RFTN1: variants seen among roughly 807,000 people sequenced by gnomAD.
RFTN1 encodes raftlin.
RFTN1 carries 26 observed loss-of-function variants against 46.5 expected under a neutral mutation model. The ratio of observed to expected loss-of-function variants is 0.56; its 90% CI spans 0.41 to 0.78. The LOEUF is 0.78. Ranked by LOEUF, RFTN1 falls within the 30% of genes least tolerant of loss-of-function variation. The probability of loss-of-function intolerance (pLI) is 0.00; values close to 1 mark genes in which losing one functional copy is unlikely to be tolerated. For missense variants in RFTN1, 693 were observed against 718.7 expected (o/e 0.96, Z 0.41); for synonymous variants, 261 against 284.2 (o/e 0.92, Z 0.82).
Position 16,383,475 on chromosome 3 carries a change from A to T in RFTN1, c.442-5373T>A, listed in dbSNP as rs916292081. Among the ~76,000 whole-genome samples, 11 of 152,190 alleles carry T rather than the reference A, an allele frequency of 7.2e-5. No individual in the cohort carries two copies. Among genetic ancestry groups the T allele is most frequent in the Admixed American group, 3.9e-4 (6 of 15,272 alleles). ...CATGATGTGAAAAATATTTCTTTTT[A>T]AAAAAATGTAGTTATATAAAAAGTC... On this transcript the variant is annotated intron_variant, in intron 4 of 9. Coordinates refer to ENST00000334133, the MANE Select transcript of RFTN1 (RefSeq NM_015150.2). This position sits in a 1 kb window ranked among gnomAD's most constrained non-coding sequence, Gnocchi z 4.0.
chr3:16,409,336 C>T (rs910133898), intron 4 of RFTN1, 39 bp downstream of exon 4: 8 of 1,405,676 alleles, frequency 5.7e-6, no homozygotes, highest in South Asian at 2.3e-5. Flanking sequence ...GGGGAACACT[C>T]GCAAACCTCT....
At chr3:16,420,673 T>G (rs1447334551) in intron 3 of RFTN1, among the ~76,000 whole-genome samples, 7 of 152,240 alleles carry the variant, frequency 4.6e-5, no homozygotes, top group Non-Finnish European at 1.0e-4. Flanking sequence ...ACGGTTTTGC[T>G]ACAGCATGTT....
chr3:16,444,285 A>G (rs953883421), intron 2 of RFTN1, among the ~76,000 whole-genome samples: 2 of 152,248 alleles, frequency 1.3e-5, no homozygotes, highest in Non-Finnish European at 2.9e-5. Context: ...GCCACTAATG[A>G]GTATGTACAA....
chr3:16,325,396 C>G (rs1308329831), intron 8 of RFTN1, among the ~76,000 whole-genome samples: 1 of 152,180 alleles, frequency 6.6e-6, no homozygotes, highest in East Asian at 1.9e-4. Context: ...GTGTGAAGGT[C>G]TGAGACAGAG....
chr3:16,377,819 C>T lies in RFTN1; in HGVS notation c.725G>A (p.Gly242Glu), dbSNP rs779336295. 2 of 1,614,106 alleles carry T rather than the reference C, an allele frequency of 1.2e-6. No individual in the cohort carries two copies. The highest frequency in any genetic ancestry group is 2.7e-5 in the African/African-American group (2 of 74,938). ...TGAAAGTTCTCCACCATCTCCCTCT[C>T]CGGAGGGTGAGCTGGGCTGCTTGGC... ...PLAKQPSSPS[G>E]EGDGGELSPQ... Residue 242 changes from glycine (G) to glutamate (E), a missense_variant, in exon 5 of 10, where the codon GGA (glycine) becomes GAA (glutamate). Transcript: ENST00000334133.
rs915050433 is a variant in RFTN1, at chr3:16,335,905, A to T, written c.1147-9029T>A. The stretch of plus-strand genomic sequence containing the variant: ...GAGGCCACAGGCAGGACTCCGCAGG[A>T]GGGAAGTGGCCGACAGCAAGGACTG... On this transcript the variant is annotated intron_variant, in intron 7 of 9. Coordinates refer to ENST00000334133, the MANE Select transcript of RFTN1 (RefSeq NM_015150.2). The surrounding 1 kb of genome is among the most constrained non-coding windows in gnomAD (Gnocchi z 4.7). Among the ~76,000 whole-genome samples, 1 of 152,138 alleles carries T rather than the reference A, an allele frequency of 6.6e-6. No homozygotes were observed. The highest frequency in any genetic ancestry group is 1.5e-5 in the Non-Finnish European group (1 of 68,034).
chr3:16,425,770 G>C lies in RFTN1; in HGVS notation c.332+8081C>G, dbSNP rs2075278249. ...TGAATCCTGAAACTTCAACACACCA[G>C]AAAAGGGTGTCACTCCAGAGTGAGA... is the stretch of plus-strand genomic sequence containing the variant. On this transcript the variant is annotated intron_variant, in intron 3 of 9. Transcript: ENST00000334133. This position sits in a 1 kb window ranked among gnomAD's most constrained non-coding sequence, Gnocchi z 4.3. Among the ~76,000 whole-genome samples the C allele has an allele frequency of 6.6e-6, 1 of 152,116 alleles. No homozygotes were observed. The highest frequency in any genetic ancestry group is 2.4e-5 in the African/African-American group (1 of 41,426).
chr3:16,337,036 G>C lies in RFTN1; in HGVS notation c.1147-10160C>G, dbSNP rs1358826761. 1 of 152,202 alleles carries C rather than the reference G, an allele frequency of 6.6e-6. No homozygotes were observed. Among genetic ancestry groups the C allele is most frequent in the Non-Finnish European group, 1.5e-5 (1 of 68,054 alleles). 9.4% of individuals were successfully genotyped at this position (152,202 alleles called of 1,614,324 possible). On this transcript the variant is annotated intron_variant, in intron 7 of 9. Coordinates refer to ENST00000334133, the MANE Select transcript of RFTN1 (RefSeq NM_015150.2). The surrounding 1 kb of genome is among the most constrained non-coding windows in gnomAD (Gnocchi z 5.0). ...TCTTGGGACTTGCTCTGACAAATAG[G>C]ATATGGCAGATGTGACATTACGGTC...
In RFTN1 at chr3:16,341,052, T is replaced by C. The variant is rs1181357295; in HGVS notation, c.1147-14176A>G. 6.6e-6 allele frequency among the ~76,000 whole-genome samples: 1 copy of C among 152,138 alleles called. No homozygotes were observed. Among genetic ancestry groups the C allele is most frequent in the African/African-American group, 2.4e-5 (1 of 41,438 alleles). ...ATGCAGGTAGCAAATAATAAGCATA[T>C]AAAAAGATGCTCAACATCATATGTC... is the stretch of plus-strand genomic sequence containing the variant. On this transcript the variant is annotated intron_variant, in intron 7 of 9. Coordinates refer to ENST00000334133, the MANE Select transcript of RFTN1 (RefSeq NM_015150.2). This position sits in a 1 kb window ranked among gnomAD's most constrained non-coding sequence, Gnocchi z 4.7.
intron 7 of RFTN1, among the ~76,000 whole-genome samples, chr3:16,343,523 G>A (rs2071447488): frequency 6.6e-6 from 1 of 152,068 alleles, no homozygotes; most frequent in African/African-American, 2.4e-5. Flanking sequence ...ACTTTCACCT[G>A]TACCCTAGAG....
In RFTN1 at chr3:16,443,891, A is replaced by G. The variant is rs2075678119; in HGVS notation, c.146-9854T>C. ...AACTCAGAAGATGGCATTATTGTTCACCTCACCAGTCCATTTTGTCAGAGA... is the reference window on the plus strand; with the variant it reads ...AACTCAGAAGATGGCATTATTGTTCGCCTCACCAGTCCATTTTGTCAGAGA... On this transcript the variant is annotated intron_variant, in intron 2 of 9. Coordinates refer to ENST00000334133, the MANE Select transcript of RFTN1 (RefSeq NM_015150.2). The surrounding 1 kb of genome is among the most constrained non-coding windows in gnomAD (Gnocchi z 5.5). 6.6e-6 allele frequency among the ~76,000 whole-genome samples: 1 copy of G among 152,146 alleles called. No homozygotes were observed. The highest frequency in any genetic ancestry group is 2.1e-4 in the South Asian group (1 of 4,824).
In RFTN1 at chr3:16,450,913, G is replaced by T. The variant is rs1381257281; in HGVS notation, c.146-16876C>A. ...AGATAGTGGTGACTTTCACCACTTG[G>T]TTTTGGTCCTGTTGACTACAGAGGG... On this transcript the variant is annotated intron_variant, in intron 2 of 9. Transcript: ENST00000334133. This position sits in a 1 kb window ranked among gnomAD's most constrained non-coding sequence, Gnocchi z 4.6. Among the ~76,000 whole-genome samples, 1 of 152,132 alleles carries T rather than the reference G, an allele frequency of 6.6e-6. No homozygotes were observed. Among genetic ancestry groups the T allele is most frequent in the Non-Finnish European group, 1.5e-5 (1 of 68,020 alleles).
rs550199660 is a variant in RFTN1, at chr3:16,436,773, C to G, written c.146-2736G>C. Among the ~76,000 whole-genome samples, 14 of 152,210 alleles carry G rather than the reference C, an allele frequency of 9.2e-5. No homozygotes were observed. In the South Asian group the frequency reaches 2.9e-3, roughly 32 times the overall value. Reference sequence around the variant, plus strand: ...CCAAATATGAGTTTATGACTGTGATCCATTAATCTATTTGTATAAAACACT... The same window carrying G: ...CCAAATATGAGTTTATGACTGTGATGCATTAATCTATTTGTATAAAACACT... On this transcript the variant is annotated intron_variant, in intron 2 of 9. Transcript: ENST00000334133.
chr3:16,419,447 G>T (rs776340203), intron 3 of RFTN1, among the ~76,000 whole-genome samples: 8 of 152,196 alleles, frequency 5.3e-5, no homozygotes, highest in Non-Finnish European at 8.8e-5. Context: ...GCAGCAATGA[G>T]AACTGTACTG....
At chr3:16,323,182 A>G (rs1410647132) in intron 9 of RFTN1, among the ~76,000 whole-genome samples, 194 bp downstream of exon 9, 1 of 152,118 alleles carries the variant, frequency 6.6e-6, no homozygotes, top group East Asian at 1.9e-4. Flanking sequence ...ATGGCAGACA[A>G]GGCCCTCCAG....
rs925069359 is a variant in RFTN1, at chr3:16,479,500, C to A, written c.145+14225G>T. On this transcript the variant is annotated intron_variant, in intron 2 of 9. Transcript: ENST00000334133. The surrounding 1 kb of genome is among the most constrained non-coding windows in gnomAD (Gnocchi z 5.1). ...CCAGAAAAACCTCAACATCCTTCTC[C>A]CCATTCCTTGCACACCTTTACAGCA... 6.6e-6 allele frequency among the ~76,000 whole-genome samples: 1 copy of A among 152,208 alleles called. No individual in the cohort carries two copies. The highest frequency in any genetic ancestry group is 2.4e-5 in the African/African-American group (1 of 41,448).
rs762081991 is a variant in RFTN1 at position 16,413,937 on chromosome 3, G to A, written c.333-4454C>T. Among the ~76,000 whole-genome samples the A allele has an allele frequency of 7.9e-5, 12 of 152,240 alleles. No homozygotes were observed. Among genetic ancestry groups the A allele is most frequent in the Middle Eastern group, 3.4e-3 (1 of 294 alleles). On this transcript the variant is annotated intron_variant, in intron 3 of 9. Coordinates refer to ENST00000334133, the MANE Select transcript of RFTN1 (RefSeq NM_015150.2). The surrounding 1 kb of genome is among the most constrained non-coding windows in gnomAD (Gnocchi z 4.7). Reference sequence around the variant, plus strand: ...TTCACTAATGAATGGGATATTATACGGAGCTACCTCTTAACATTGCTGTAA... The same window carrying A: ...TTCACTAATGAATGGGATATTATACAGAGCTACCTCTTAACATTGCTGTAA...
At chr3:16,372,160 A>C (rs1215319647) in intron 5 of RFTN1, among the ~76,000 whole-genome samples, 1 of 152,188 alleles carries the variant, frequency 6.6e-6, no homozygotes, top group Non-Finnish European at 1.5e-5. Context: ...TGATCCCAGG[A>C]AACAGAGGGA....
rs2075013558 is a variant in RFTN1, at chr3:16,413,519, T to C, written c.333-4036A>G. On this transcript the variant is annotated intron_variant, in intron 3 of 9. Transcript: ENST00000334133. The surrounding 1 kb of genome is among the most constrained non-coding windows in gnomAD (Gnocchi z 4.7). ...GTCATTGTATCATCCTGGAAAAGAA[T>C]ATGGGAAACCACCAAACTTCCCCTG... Among the ~76,000 whole-genome samples the C allele has an allele frequency of 6.6e-6, 1 of 152,212 alleles. No individual in the cohort carries two copies. The highest frequency in any genetic ancestry group is 1.5e-5 in the Non-Finnish European group (1 of 68,026).
Sources: gnomAD v4.1 joint callset for allele counts (sites outside exome capture counted in the v4.1 genomes callset) on GRCh38, gnomAD v4.1.1 for gene constraint, Gnocchi (gnomAD v3.1) non-coding constraint, MANE v1.5 for transcripts, NCBI Gene and HGNC (gene_info 2026-07-23, HGNC 2026-07-21) for gene names.